The following PLS1 variants were observed in gnomAD, a reference collection of about 807,000 sequenced individuals.
PLS1 encodes plastin 1.
Under a neutral mutation model 73.7 loss-of-function variants are expected in PLS1, and 32 were observed. That is an observed-to-expected ratio of 0.43 (90% CI 0.33 to 0.58). PLS1 has a LOEUF of 0.58. Ranked by LOEUF, PLS1 falls within the 20% of genes least tolerant of loss-of-function variation. The pLI is 0.04. For missense variants in PLS1, 633 were observed against 740.5 expected (o/e 0.85, Z 1.68); for synonymous variants, 217 against 261.3 (o/e 0.83, Z 1.63).
intron 1 of PLS1, among the ~76,000 whole-genome samples, chr3:142,622,990 C>G (rs2108564498): frequency 6.6e-6 from 1 of 152,172 alleles, no homozygotes; most frequent in East Asian, 1.9e-4. Context: ...CTGTATTGCC[C>G]AGACTGGAGT....
chr3:142,631,531 T>C (rs1054606121), intron 1 of PLS1, among the ~76,000 whole-genome samples: 2 of 150,160 alleles, frequency 1.3e-5, no homozygotes, highest in African/African-American at 2.5e-5. Context: ...CGTGGTGGTG[T>C]GTGCCTGTGG....
At chr3:142,652,477 G>A (rs1428602012) in intron 1 of PLS1, among the ~76,000 whole-genome samples, 6 of 152,110 alleles carry the variant, frequency 3.9e-5, no homozygotes, top group Non-Finnish European at 7.4e-5. Context: ...AAAGATTTTT[G>A]TGCCCCTTGG....
At chr3:142,655,118 C>T (rs1323066093) in intron 1 of PLS1, among the ~76,000 whole-genome samples, 1 of 152,066 alleles carries the variant, frequency 6.6e-6, no homozygotes, top group Non-Finnish European at 1.5e-5. Context: ...ACCATTACAA[C>T]ACAACACATA....
intron 12 of PLS1, among the ~76,000 whole-genome samples, chr3:142,699,661 A>G (rs1049312026): frequency 1.3e-5 from 2 of 152,226 alleles, no homozygotes; most frequent in Non-Finnish European, 2.9e-5. Flanking sequence ...ATATATATAC[A>G]TAATATGAAT....
chr3:142,638,869 G>C (rs1297099803), intron 1 of PLS1, among the ~76,000 whole-genome samples: 1 of 152,000 alleles, frequency 6.6e-6, no homozygotes, highest in East Asian at 1.9e-4. Context: ...AGCCTCCTGA[G>C]TAGGTGGGAT....
intron 12 of PLS1, 61 bp from the exon 13 acceptor site, chr3:142,703,807 G>T (rs1400815787): frequency 8.9e-7 from 1 of 1,119,688 alleles, no homozygotes; most frequent in African/African-American, 1.5e-5. Context: ...AACTAGGCTG[G>T]CCTATTCTGG....
At position 142,694,988 on chromosome 3, in the gene PLS1, A is replaced by C. The variant is rs1326101221; in HGVS notation, c.1256+441A>C. On this transcript the variant is annotated intron_variant, in intron 11 of 15. Coordinates refer to ENST00000457734, the MANE Select transcript of PLS1 (RefSeq NM_001145319.2). ...TTTCCTTGAATAATTGTTATAGCTT[A>C]TCTCATTCTTTCTTGTTTAAAAAAT... 2.6e-5 allele frequency among the ~76,000 whole-genome samples: 4 copies of C among 152,226 alleles called. No homozygotes were observed. In the East Asian group the frequency reaches 7.7e-4, roughly 29 times the overall value.
intron 6 of PLS1, among the ~76,000 whole-genome samples, chr3:142,682,957 A>G (rs2037885980): frequency 2.0e-5 from 3 of 152,246 alleles, no homozygotes; most frequent in African/African-American, 4.8e-5. Context: ...CTATATTTAA[A>G]TGAACATTGC....
At chr3:142,697,553 T>C (rs1281592282) in intron 11 of PLS1, among the ~76,000 whole-genome samples, 1 of 152,150 alleles carries the variant, frequency 6.6e-6, no homozygotes, top group African/African-American at 2.4e-5. Flanking sequence ...GAGATCAAAT[T>C]GTATGAAGTG....
intron 1 of PLS1, among the ~76,000 whole-genome samples, chr3:142,629,259 C>T (rs566427121): frequency 8.6e-5 from 13 of 151,422 alleles, no homozygotes; most frequent in South Asian, 2.1e-4. Flanking sequence ...TGCAATGGCG[C>T]GATCTTGGCT....
intron 4 of PLS1, among the ~76,000 whole-genome samples, chr3:142,672,942 G>C (rs2037638772): frequency 6.6e-6 from 1 of 152,008 alleles, no homozygotes; most frequent in South Asian, 2.1e-4. Context: ...CTTCCCGAAG[G>C]CTCTGCAACC....
chr3:142,661,351 T>A (rs1328196195), intron 1 of PLS1, among the ~76,000 whole-genome samples: 1 of 152,126 alleles, frequency 6.6e-6, no homozygotes, highest in South Asian at 2.1e-4. Context: ...TAGAATTTTT[T>A]AAAAAACAAT....
intron 14 of PLS1, among the ~76,000 whole-genome samples, chr3:142,704,943 C>T (rs1217359748): frequency 6.6e-6 from 1 of 151,636 alleles, no homozygotes; most frequent in African/African-American, 2.4e-5. Flanking sequence ...CAGGCATGAG[C>T]TACCACGCCT....
chr3:142,670,561 G>A (rs557535146), intron 3 of PLS1, among the ~76,000 whole-genome samples: 1 of 152,360 alleles, frequency 6.6e-6, no homozygotes, highest in South Asian at 2.1e-4. Context: ...TCCAGTGAGA[G>A]AGTGATTGGG....
chr3:142,649,337 A>G (rs1368004445), intron 1 of PLS1, among the ~76,000 whole-genome samples: 1 of 147,874 alleles, frequency 6.8e-6, no homozygotes, highest in Non-Finnish European at 1.5e-5. Context: ...CCCTATGTCA[A>G]AAAAAAAAAA....
chr3:142,647,517 T>TTTTC (rs2036982151), intron 1 of PLS1, among the ~76,000 whole-genome samples: 4 of 151,260 alleles, frequency 2.6e-5, no homozygotes, highest in Non-Finnish European at 4.4e-5. Flanking sequence ...TTTTTTTTTT[T>TTTTC]CTTGAGACGG....
chr3:142,603,657 A>C (rs1011901836), intron 1 of PLS1, among the ~76,000 whole-genome samples: 15 of 151,944 alleles, frequency 9.9e-5, no homozygotes, highest in Non-Finnish European at 7.4e-5. Context: ...CTGTAGTCCC[A>C]GTTACTTAGG....
intron 1 of PLS1, among the ~76,000 whole-genome samples, chr3:142,599,199 A>G (rs1470009925): frequency 6.6e-6 from 1 of 151,672 alleles, no homozygotes; most frequent in East Asian, 1.9e-4. Context: ...TAAATAAATA[A>G]ATAAATAAAT....
intron 9 of PLS1, among the ~76,000 whole-genome samples, chr3:142,688,368 G>T (rs540958917): frequency 1.3e-5 from 2 of 152,308 alleles, no homozygotes; most frequent in African/African-American, 4.8e-5. Context: ...CACAGAATTA[G>T]GTAGGTTATC....
Sources: gnomAD v4.1 joint callset for allele counts (sites outside exome capture counted in the v4.1 genomes callset) on GRCh38, gnomAD v4.1.1 for gene constraint, MANE v1.5 for transcripts, NCBI Gene and HGNC (gene_info 2026-07-23, HGNC 2026-07-21) for gene names.